Variants in NXPE2 observed in about 807,000 individuals in gnomAD.
NXPE2 encodes the protein NXPE family member 2.
Under a neutral mutation model 34.4 loss-of-function variants are expected in NXPE2, and 34 were observed. The ratio of observed to expected loss-of-function variants is 0.99; its 90% confidence interval spans 0.75 to 1.31. The LOEUF is 1.31. Among genes scored for constraint, NXPE2 ranks in the 40% most tolerant of loss-of-function variants. NXPE2 has a pLI of 0.00. For synonymous variants in NXPE2, 235 were observed against 231.3 expected, an observed-to-expected ratio of 1.02 and a Z score of -0.15; for missense variants, 649 against 672.5, an observed-to-expected ratio of 0.97 and a Z score of 0.39.
chr11:114,508,408 G>A, the NXPE2 span, among the ~76,000 whole-genome samples: 2 of 152,294 alleles, frequency 1.3e-5, no homozygotes, highest in South Asian at 4.1e-4. Context: ...AAATTTGTAT[G>A]AAACCAAAAG....
chr11:114,731,373 C>A, the NXPE2 span, among the ~76,000 whole-genome samples: 1 of 152,132 alleles, frequency 6.6e-6, no homozygotes, highest in Non-Finnish European at 1.5e-5. Flanking sequence ...TATGCTTGGG[C>A]AATTATCTCA....
At chr11:114,666,196 T>A in the NXPE2 span, among the ~76,000 whole-genome samples, 1 of 152,158 alleles carries the variant, frequency 6.6e-6, no homozygotes, top group Non-Finnish European at 1.5e-5. Context: ...TTTTGCTTTT[T>A]TGAAAGCTAT....
chr11:114,625,084 C>T, the NXPE2 span, among the ~76,000 whole-genome samples: 1 of 152,118 alleles, frequency 6.6e-6, no homozygotes. Flanking sequence ...TGGGTAACCA[C>T]CATTACCTGG....
chr11:114,681,142 T>G (rs1950943584), intron 2 of NXPE2, among the ~76,000 whole-genome samples: 2 of 152,190 alleles, frequency 1.3e-5, no homozygotes, highest in Admixed American at 6.6e-5. Flanking sequence ...CCATCCACAT[T>G]GTCTTTCTTT....
the NXPE2 span, among the ~76,000 whole-genome samples, chr11:114,528,119 C>T: frequency 1.3e-5 from 2 of 152,110 alleles, no homozygotes; most frequent in Non-Finnish European, 2.9e-5. Flanking sequence ...GCAGCTCTAC[C>T]GATCTGCCAC....
the NXPE2 span, among the ~76,000 whole-genome samples, chr11:114,464,870 C>T: frequency 6.6e-6 from 1 of 151,578 alleles, no homozygotes; most frequent in South Asian, 2.1e-4. Flanking sequence ...AAAAAGAAAT[C>T]CAATAGACAA....
chr11:114,805,876 T>G, the NXPE2 span, among the ~76,000 whole-genome samples: 2 of 152,254 alleles, frequency 1.3e-5, no homozygotes, highest in Non-Finnish European at 2.9e-5. Flanking sequence ...GCTTGAGATC[T>G]GAGAACAGGC....
chr11:114,711,042 T>A (rs994044861), downstream of NXPE2, among the ~76,000 whole-genome samples: 1 of 152,014 alleles, frequency 6.6e-6, no homozygotes, highest in East Asian at 1.9e-4. Context: ...AAATTTAACA[T>A]CCTTTCATGA....
intron 2 of NXPE2, among the ~76,000 whole-genome samples, chr11:114,695,123 T>G (rs537005944): frequency 3.9e-5 from 6 of 152,322 alleles, no homozygotes; most frequent in African/African-American, 1.4e-4. Flanking sequence ...CTGTAGATAT[T>G]GTGTCAGAGG....
At chr11:114,602,046 AT>A in the NXPE2 span, among the ~76,000 whole-genome samples, 1 of 91,044 alleles carries the variant, frequency 1.1e-5, no homozygotes, top group Non-Finnish European at 1.9e-5. Flanking sequence ...TATAATATAT[AT>A]TATATTATAT....
chr11:114,650,428 A>G, the NXPE2 span, among the ~76,000 whole-genome samples: 1 of 152,192 alleles, frequency 6.6e-6, no homozygotes, highest in African/African-American at 2.4e-5. Flanking sequence ...GAAGACCAGG[A>G]GATTGAGAGG....
the NXPE2 span, among the ~76,000 whole-genome samples, chr11:114,713,819 A>G: frequency 6.6e-6 from 1 of 152,232 alleles, no homozygotes; most frequent in African/African-American, 2.4e-5. Flanking sequence ...TGCTGCTCTC[A>G]TAGGAGTAAT....
chr11:114,471,000 T>A, the NXPE2 span, among the ~76,000 whole-genome samples: 3 of 152,262 alleles, frequency 2.0e-5, no homozygotes, highest in Non-Finnish European at 4.4e-5. Flanking sequence ...GTTTGTTTTC[T>A]TACTGAATTT....
chr11:114,646,142 G>T, the NXPE2 span, among the ~76,000 whole-genome samples: 1 of 151,992 alleles, frequency 6.6e-6, no homozygotes, highest in Non-Finnish European at 1.5e-5. Flanking sequence ...CTGGCCTGAG[G>T]TAATAGTGGT....
the NXPE2 span, among the ~76,000 whole-genome samples, chr11:114,614,173 G>A: frequency 6.7e-6 from 1 of 148,774 alleles, no homozygotes; most frequent in Non-Finnish European, 1.5e-5. Context: ...CTCTTACCCT[G>A]TAATAAGAGG....
chr11:114,570,724 C>G, the NXPE2 span: 2 of 443,138 alleles, frequency 4.5e-6, no homozygotes, highest in Admixed American at 3.9e-5. Flanking sequence ...GAAGGGTAGG[C>G]TCTTTTCATG....
At chr11:114,557,970 T>C in the NXPE2 span, among the ~76,000 whole-genome samples, 1 of 152,178 alleles carries the variant, frequency 6.6e-6, no homozygotes, top group Middle Eastern at 3.4e-3. Context: ...CTCATTTTCC[T>C]TCTATTTCCC....
At chr11:114,748,167 TA>T in the NXPE2 span, among the ~76,000 whole-genome samples, 1 of 152,228 alleles carries the variant, frequency 6.6e-6, no homozygotes, top group African/African-American at 2.4e-5. Flanking sequence ...TCTTTTTTAT[TA>T]ATATTTTGTT....
chr11:114,540,837 CTT>C, the NXPE2 span, among the ~76,000 whole-genome samples: 3 of 47,470 alleles, frequency 6.3e-5, no homozygotes, highest in Non-Finnish European at 9.3e-5. Flanking sequence ...AGAAAGCCAT[CTT>C]TTTTTTTTTT....
Sources: allele counts gnomAD v4.1 joint callset (sites outside exome capture counted in the v4.1 genomes callset), GRCh38; gene constraint gnomAD v4.1.1; transcripts MANE v1.5; gene names NCBI Gene and HGNC (gene_info 2026-07-23, HGNC 2026-07-21).